The following CNKSR1 variants were observed in gnomAD, a reference collection of about 807,000 sequenced individuals.
CNKSR1 encodes CNK homolog protein 1.
In CNKSR1, 88 loss-of-function variants were observed where a neutral mutation model predicts 95.6. That is an observed-to-expected ratio of 0.92 (90% CI 0.78 to 1.10). The LOEUF (loss-of-function observed/expected upper bound fraction) is 1.10. CNKSR1 is among the 50% of genes least tolerant of loss of function. The pLI is 0.00. For synonymous variants in CNKSR1, 355 were observed against 369.7 expected (o/e 0.96, Z 0.46); for missense variants, 836 against 912.0 (o/e 0.92, Z 1.07).
intron 1 of CNKSR1, among the ~76,000 whole-genome samples, chr1:26,179,264 A>C (rs1484666490): frequency 6.6e-6 from 1 of 152,056 alleles, no homozygotes; most frequent in Non-Finnish European, 1.5e-5. Flanking sequence ...GGTCAAGTGC[A>C]GGGGTTTGTG....
Position 26,189,620 on chromosome 1 carries a change from G to T in CNKSR1, c.*72G>T. The T allele has an allele frequency of 1.2e-6, 1 of 826,782 alleles. No homozygotes were observed. Among genetic ancestry groups the T allele is most frequent in the South Asian group, 1.3e-5 (1 of 75,470 alleles). The allele number at this position is 826,782 out of a possible 1,614,324, so 51.2% of individuals were successfully genotyped here. A position where few individuals can be genotyped will look rare whatever the true frequency, so the allele number is the denominator to read the frequency against. On this transcript the variant is annotated 3_prime_UTR_variant, in exon 21 of 21. Transcript: ENST00000361530. ...CAACCCCAGCTTCTGACGTGTCCAGGACAGAGCATCCCTGGATTCTGTTCA... is the reference window on the plus strand; with the variant it reads ...CAACCCCAGCTTCTGACGTGTCCAGTACAGAGCATCCCTGGATTCTGTTCA...
chr1:26,181,886 C>T lies in CNKSR1; in HGVS notation c.422C>T (p.Ser141Leu), dbSNP rs1204830681. 6.2e-7 allele frequency: 1 copy of T among 1,614,108 alleles called. No homozygotes were observed. Reference protein sequence around the residue: ...RYLFSHLNDFSACQEIRDLLE... With the variant: ...RYLFSHLNDFLACQEIRDLLE... ...CTCTTCTCCCACTTAAATGATTTCT[C>T]AGCATGCCAGGAGATCCGAGACTTG... is the stretch of plus-strand genomic sequence containing the variant. The change falls in exon 4 of 21, where the codon TCA (serine) becomes TTA (leucine). Residue 141 changes from serine to leucine, a missense_variant. Ser to Leu is a moderately radical substitution (Grantham distance 145, BLOSUM62 -2). Transcript: ENST00000361530.
chr1:26,183,276 C>T lies in CNKSR1; in HGVS notation c.684+20C>T, dbSNP rs748353716. The T allele has an allele frequency of 3.1e-6, 5 of 1,614,198 alleles. No homozygotes were observed. In the South Asian group the frequency reaches 5.5e-5, roughly 18 times the overall value. On this transcript the variant is annotated intron_variant, in intron 7 of 20. Coordinates refer to ENST00000361530, the MANE Select transcript of CNKSR1 (RefSeq NM_006314.3). ...ACCCAGGTGAGAGCCCCACACCCTTCTCAGCCGCCCATCCCCGAGGCCTCT... is the reference window on the plus strand; with the variant it reads ...ACCCAGGTGAGAGCCCCACACCCTTTTCAGCCGCCCATCCCCGAGGCCTCT...
In CNKSR1 at chr1:26,189,859, C is replaced by G; in HGVS notation, c.*311C>G. 1.7e-6 allele frequency: 1 copy of G among 586,388 alleles called. No individual in the cohort carries two copies. Among genetic ancestry groups the G allele is most frequent in the Non-Finnish European group, 3.1e-6 (1 of 322,006 alleles). The allele number at this position is 586,388 out of a possible 1,614,324, so 36.3% of individuals were successfully genotyped here. On this transcript the variant is annotated 3_prime_UTR_variant, in exon 21 of 21. Coordinates refer to ENST00000361530, the MANE Select transcript of CNKSR1 (RefSeq NM_006314.3). ...ATTTTACATGAGGGCTACTTTCCAA[C>G]CAAATAAAGTCAATTTTTCTAAGAA...
At position 26,189,575 on chromosome 1, in the gene CNKSR1, C is replaced by G. The variant is rs992555252; in HGVS notation, c.*27C>G. 2 of 1,197,896 alleles carry G rather than the reference C, an allele frequency of 1.7e-6. No homozygotes were observed. Among genetic ancestry groups the G allele is most frequent in the Middle Eastern group, 1.9e-4 (1 of 5,262 alleles). 74.2% of individuals were successfully genotyped at this position (1,197,896 alleles called of 1,614,324 possible). ...CCTGGCCAGCACTCTAGCTCCTGACCTTTGACCCGAGGGCCACCTCAACCC... is the reference window on the plus strand; with the variant it reads ...CCTGGCCAGCACTCTAGCTCCTGACGTTTGACCCGAGGGCCACCTCAACCC... On this transcript the variant is annotated 3_prime_UTR_variant, in exon 21 of 21. Coordinates refer to ENST00000361530, the MANE Select transcript of CNKSR1 (RefSeq NM_006314.3).
rs769323103 is a variant in CNKSR1, at chr1:26,184,090, ACT to A, written c.877_878del (p.Ser293ProfsTer20). On this transcript the variant is annotated frameshift_variant, in exon 10 of 21. Transcript: ENST00000361530. LOFTEE classifies it high-confidence loss of function. ...CCCCAGACGCCCCCTCAGGTCCTGGACTCCCCGCACCAGAGGAGCCCATCACT... is the reference window on the plus strand; with the variant it reads ...CCCCAGACGCCCCCTCAGGTCCTGGACCCCGCACCAGAGGAGCCCATCACT... The A allele has an allele frequency of 1.9e-6, 3 of 1,604,070 alleles. No homozygotes were observed. The East Asian group carries it at 6.7e-5, about 36-fold the overall frequency.
intron 4 of CNKSR1, 141 bp downstream of exon 4, chr1:26,182,082 G>C (rs369612389): frequency 4.8e-5 from 42 of 870,498 alleles, no homozygotes; most frequent in East Asian, 1.8e-4. Flanking sequence ...CCTGCCACTG[G>C]GTATGGGACA....
rs771404879 is a variant in CNKSR1, at chr1:26,189,015, C to T, written c.1872+62C>T. On this transcript the variant is annotated intron_variant, in intron 20 of 20. Coordinates refer to ENST00000361530, the MANE Select transcript of CNKSR1 (RefSeq NM_006314.3). ...GCTCTGGGCTTCAGGCTTTGGTTTG[C>T]GGCTGTCACCTCCACCCTGGGCACC... 6.2e-5 allele frequency: 97 copies of T among 1,567,750 alleles called. 1 individual carries two copies. The highest frequency in any genetic ancestry group is 4.2e-4 in the South Asian group (37 of 89,134).
At position 26,183,741 on chromosome 1, in the gene CNKSR1, C is replaced by T. The variant is rs141730693; in HGVS notation, c.766C>T (p.Arg256Cys). 4 of 1,612,802 alleles carry T rather than the reference C, an allele frequency of 2.5e-6. No individual in the cohort carries two copies. In the East Asian group the frequency reaches 6.7e-5, roughly 27 times the overall value. ...TTCTGTCCCCCAGGTGGGATGGCCCCGTAAGAACATGGTGAGGGAACTGCT... is the reference window on the plus strand; with the variant it reads ...TTCTGTCCCCCAGGTGGGATGGCCCTGTAAGAACATGGTGAGGGAACTGCT... ...INEQVVVGWP[R>C]KNMVRELLRE... Residue 256 changes from arginine to cysteine, a missense_variant, in exon 9 of 21, where the codon CGT becomes TGT. By Grantham distance (180) the Arg-to-Cys change is radical (BLOSUM62 -3). Coordinates refer to ENST00000361530, the MANE Select transcript of CNKSR1 (RefSeq NM_006314.3).
intron 15 of CNKSR1, 50 bp from the exon 16 acceptor site, chr1:26,187,361 C>T (rs200139404): frequency 6.2e-7 from 1 of 1,607,510 alleles, no homozygotes; most frequent in Admixed American, 1.7e-5. Flanking sequence ...CCTCTCTGGG[C>T]TGTGGGTGGG....
At position 26,181,230 on chromosome 1, in the gene CNKSR1, G is replaced by T. The variant is rs188732618; in HGVS notation, c.392+334G>T. 2.2e-3 allele frequency: 745 copies of T among 335,820 alleles called. 4 individuals carry two copies. Among genetic ancestry groups the T allele is most frequent in the Middle Eastern group, 6.4e-3 (6 of 934 alleles). The allele number at this position is 335,820 out of a possible 1,614,324, so 20.8% of individuals were successfully genotyped here. A position where few individuals can be genotyped will look rare whatever the true frequency, so the allele number is the denominator to read the frequency against. On this transcript the variant is annotated intron_variant, in intron 3 of 20. Coordinates refer to ENST00000361530, the MANE Select transcript of CNKSR1 (RefSeq NM_006314.3). ...TGGGAGGTGGAAGTTCCAGTGAGCC[G>T]AGATCATGCCACTGTACTCCAGCCT...
Position 26,184,499 on chromosome 1 carries a change from C to A in CNKSR1, c.1099C>A (p.Pro367Thr). The change falls in exon 12 of 21, where the codon CCT becomes ACT. Residue 367 changes from proline (P) to threonine (T), a missense_variant. Physicochemically the swap from Pro to Thr is conservative, Grantham distance 38. Coordinates refer to ENST00000361530, the MANE Select transcript of CNKSR1 (RefSeq NM_006314.3). ...AGGGACTCCAGGGCTCCCTGAATCC[C>A]CTGACAAGGTAAGCTCAGGGGCTTA... ...VAGTPGLPES[P>T]DKSPVGRKKS... 1 of 1,612,176 alleles carries A rather than the reference C, an allele frequency of 6.2e-7. No homozygotes were observed. Among genetic ancestry groups the A allele is most frequent in the East Asian group, 2.2e-5 (1 of 44,808 alleles).
rs1557623318 is a variant in CNKSR1, at chr1:26,185,069, G to GGCCC, written c.1192_1193insCCCG (p.Asp398AlafsTer4). On this transcript the variant is annotated frameshift_variant, in exon 14 of 21. Coordinates refer to ENST00000361530, the MANE Select transcript of CNKSR1 (RefSeq NM_006314.3). LOFTEE classifies it high-confidence loss of function. ...TGTCATGCCGTGAGCTGGGCCGGCC[G>GGCCC]GACTGTGACGGCTGGCTCCTGTTGC... is the stretch of plus-strand genomic sequence containing the variant. The GGCCC allele has an allele frequency of 6.2e-7, 1 of 1,605,580 alleles. No individual in the cohort carries two copies. Among genetic ancestry groups the GGCCC allele is most frequent in the East Asian group, 2.2e-5 (1 of 44,718 alleles).
At chr1:26,177,643 G>A (rs1377908793) in intron 1 of CNKSR1, 44 bp downstream of exon 1, 1 of 1,607,036 alleles carries the variant, frequency 6.2e-7, no homozygotes, top group East Asian at 2.2e-5. Context: ...GGGACTAGGT[G>A]TGGTGTCCCA....
chr1:26,185,725 C>T (rs992138334), intron 14 of CNKSR1, among the ~76,000 whole-genome samples: 3 of 151,810 alleles, frequency 2.0e-5, no homozygotes, highest in Non-Finnish European at 2.9e-5. Context: ...AAGATGGAGT[C>T]TTGCTATGTT....
At chr1:26,182,916 A>G (rs1322808167) in intron 6 of CNKSR1, among the ~76,000 whole-genome samples, 3 of 152,110 alleles carry the variant, frequency 2.0e-5, no homozygotes, top group African/African-American at 7.2e-5. Flanking sequence ...CCAGAGCCCT[A>G]TCCCTGCCCT....
Position 26,189,873 on chromosome 1 carries a change from T to A in CNKSR1, c.*325T>A, listed in dbSNP as rs2088836568. 1 of 547,432 alleles carries A rather than the reference T, an allele frequency of 1.8e-6. No individual in the cohort carries two copies. The highest frequency in any genetic ancestry group is 3.3e-6 in the Non-Finnish European group (1 of 298,680). The allele number at this position is 547,432 out of a possible 1,614,324, so 33.9% of individuals were successfully genotyped here. On this transcript the variant is annotated 3_prime_UTR_variant, in exon 21 of 21. Coordinates refer to ENST00000361530, the MANE Select transcript of CNKSR1 (RefSeq NM_006314.3). Reference sequence around the variant, plus strand: ...CTACTTTCCAACCAAATAAAGTCAATTTTTCTAAGAATGAGTCTACATGTA... The same window carrying A: ...CTACTTTCCAACCAAATAAAGTCAAATTTTCTAAGAATGAGTCTACATGTA...
chr1:26,187,063 C>T, intron 14 of CNKSR1, 105 bp from the exon 15 acceptor site: 1 of 838,466 alleles, frequency 1.2e-6, no homozygotes, highest in South Asian at 1.4e-5. Flanking sequence ...CAGGAGATGC[C>T]TTCTCCTCTC....
rs748926434 is a variant in CNKSR1, at chr1:26,188,714, G to C, written c.1690+17G>C. 1 of 1,612,952 alleles carries C rather than the reference G, an allele frequency of 6.2e-7. No homozygotes were observed. Among genetic ancestry groups the C allele is most frequent in the Non-Finnish European group, 8.5e-7 (1 of 1,179,302 alleles). ...CTCTGACAGGTGCTGGGCTGGAGTT[G>C]GGAGCTGGGCTGGGGGCTGGGGTGG... On this transcript the variant is annotated intron_variant, in intron 19 of 20. Transcript: ENST00000361530.
Sources: gnomAD v4.1 joint callset for allele counts (sites outside exome capture counted in the v4.1 genomes callset) on GRCh38, gnomAD v4.1.1 for gene constraint, MANE v1.5 for transcripts, NCBI Gene and HGNC (gene_info 2026-07-23, HGNC 2026-07-21) for gene names.